TBC1D4: variants seen among roughly 807,000 people sequenced by gnomAD.
TBC1D4 encodes the protein TBC1 domain family member 4, also known as TBC (Tre-2, BUB2, CDC16) domain-containing protein.
TBC1D4 carries 121 observed loss-of-function variants against 142.5 expected under a neutral mutation model. The ratio of observed to expected loss-of-function variants is 0.85; its 90% CI spans 0.73 to 0.99. The LOEUF (loss-of-function observed/expected upper bound fraction) is 0.99. TBC1D4 is among the 50% of genes least tolerant of loss of function. The pLI is 0.00. For synonymous variants in TBC1D4, 630 were observed against 628.2 expected, an observed-to-expected ratio of 1.00 and a Z score of -0.04; for missense variants, 1,475 against 1,606.6, an observed-to-expected ratio of 0.92 and a Z score of 1.40.
chr13:75,315,259 G>A (rs1878182039), intron 12 of TBC1D4, among the ~76,000 whole-genome samples: 1 of 151,476 alleles, frequency 6.6e-6, no homozygotes, highest in Non-Finnish European at 1.5e-5. Context: ...AGTGAGCCGA[G>A]ATCGCATCCC....
intron 1 of TBC1D4, among the ~76,000 whole-genome samples, chr13:75,385,373 A>T (rs1004809698): frequency 6.6e-6 from 1 of 152,224 alleles, no homozygotes. Context: ...AAGCAAGCAA[A>T]GAATCAAAGA....
intron 3 of TBC1D4, among the ~76,000 whole-genome samples, chr13:75,357,813 T>C (rs1019638809): frequency 4.6e-5 from 7 of 152,202 alleles, no homozygotes; most frequent in African/African-American, 1.2e-4. Context: ...GAGGAGCAGA[T>C]GGCTAACCTG....
intron 1 of TBC1D4, among the ~76,000 whole-genome samples, chr13:75,461,349 T>C (rs999307600): frequency 6.6e-5 from 10 of 152,314 alleles, no homozygotes; most frequent in Non-Finnish European, 1.2e-4. Context: ...CCTCAACTCA[T>C]TGAGAAAGGA....
rs187710385 is a variant in TBC1D4 at position 75,475,277 on chromosome 13, C to T, written c.498+5993G>A. Among the ~76,000 whole-genome samples, 192 of 152,268 alleles carry T rather than the reference C, an allele frequency of 1.3e-3. 1 individual carries two copies. Among genetic ancestry groups the T allele is most frequent in the African/African-American group, 4.4e-3 (182 of 41,560 alleles). On this transcript the variant is annotated intron_variant, in intron 1 of 20. Coordinates refer to ENST00000377636, the MANE Select transcript of TBC1D4 (RefSeq NM_014832.5). ...TGCAGACCATATGTCAAGAAAAATCCTTTACTTGGTCAAATAAGTCTGAAT... is the reference window on the plus strand; with the variant it reads ...TGCAGACCATATGTCAAGAAAAATCTTTTACTTGGTCAAATAAGTCTGAAT...
chr13:75,358,391 G>T (rs9530424), intron 3 of TBC1D4, among the ~76,000 whole-genome samples: 124,239 of 152,226 alleles, frequency 0.82, 50,854 homozygotes, highest in South Asian at 0.88. Flanking sequence ...AAGTAGGAAT[G>T]TAGAAATTTA....
In TBC1D4 at chr13:75,335,506, C is replaced by T. The variant is rs545192114; in HGVS notation, c.1731+1415G>A. Among the ~76,000 whole-genome samples, 14 of 150,736 alleles carry T rather than the reference C, an allele frequency of 9.3e-5. No individual in the cohort carries two copies. In the East Asian group the frequency reaches 1.3e-3, roughly 15 times the overall value. ...GCACTTCCTCTAAGTTCCTAAGAAT[C>T]GGTGATATGGTTTGGATCCGCCCAA... On this transcript the variant is annotated intron_variant, in intron 8 of 20. Transcript: ENST00000377636.
At position 75,459,373 on chromosome 13, in the gene TBC1D4, T is replaced by C. The variant is rs1887872181; in HGVS notation, c.498+21897A>G. Among the ~76,000 whole-genome samples, 3 of 152,190 alleles carry C rather than the reference T, an allele frequency of 2.0e-5. No individual in the cohort carries two copies. The South Asian group carries it at 6.2e-4, about 32-fold the overall frequency. On this transcript the variant is annotated intron_variant, in intron 1 of 20. Transcript: ENST00000377636. The stretch of plus-strand genomic sequence containing the variant: ...CTTTAGCTGTGTTTCTGATTGATTG[T>C]GTGGCTTCAGTTTGTATGGCTCCCT...
intron 1 of TBC1D4, among the ~76,000 whole-genome samples, chr13:75,413,398 G>C (rs1454656101): frequency 6.6e-6 from 1 of 152,186 alleles, no homozygotes; most frequent in South Asian, 2.1e-4. Flanking sequence ...TTGACCTTGT[G>C]ATCTGCCTGC....
intron 1 of TBC1D4, among the ~76,000 whole-genome samples, chr13:75,423,903 C>A (rs1371730184): frequency 6.6e-6 from 1 of 152,180 alleles, no homozygotes; most frequent in Non-Finnish European, 1.5e-5. Context: ...GACTGCACAA[C>A]AATGGAAACA....
rs545534425 is a variant in TBC1D4 at position 75,391,215 on chromosome 13, C to T, written c.499-28608G>A. Among the ~76,000 whole-genome samples, 873 of 151,638 alleles carry T rather than the reference C, an allele frequency of 5.8e-3. 10 individuals carry two copies. The highest frequency in any genetic ancestry group is 0.02 in the African/African-American group (814 of 41,326). On this transcript the variant is annotated intron_variant, in intron 1 of 20. Coordinates refer to ENST00000377636, the MANE Select transcript of TBC1D4 (RefSeq NM_014832.5). ...CAGTTTACACACACACACACACACA[C>T]ACACACACACTATTTTTATCTCTCA...
chr13:75,381,774 A>C (rs1361771507), intron 1 of TBC1D4, among the ~76,000 whole-genome samples: 2 of 152,256 alleles, frequency 1.3e-5, no homozygotes, highest in Non-Finnish European at 2.9e-5. Context: ...TGCAAACATG[A>C]AAATGAAATG....
At chr13:75,341,340 C>T in intron 6 of TBC1D4, 105 bp from the exon 7 acceptor site, 2 of 1,330,004 alleles carry the variant, frequency 1.5e-6, no homozygotes, top group Non-Finnish European at 2.1e-6. Context: ...TAACTTCGCT[C>T]AGAAGCAAAA....
chr13:75,453,741 T>C (rs1395262549), intron 1 of TBC1D4, among the ~76,000 whole-genome samples: 1 of 151,794 alleles, frequency 6.6e-6, no homozygotes, highest in Non-Finnish European at 1.5e-5. Context: ...ATGTGCCTGT[T>C]ATCCCAGCTA....
At chr13:75,425,619 T>C (rs570812746) in intron 1 of TBC1D4, among the ~76,000 whole-genome samples, 28 of 152,318 alleles carry the variant, frequency 1.8e-4, no homozygotes, top group African/African-American at 6.0e-4. Context: ...ACATACACAA[T>C]GGAATGCTAT....
At chr13:75,316,331 A>T (rs1184372055) in intron 12 of TBC1D4, 1 of 152,220 alleles carries the variant, frequency 6.6e-6, no homozygotes, top group Non-Finnish European at 1.5e-5. Context: ...AAAATTTCAT[A>T]AACCTAAAAT....
intron 7 of TBC1D4, among the ~76,000 whole-genome samples, chr13:75,340,405 G>C (rs923081838): frequency 1.3e-5 from 2 of 152,112 alleles, no homozygotes; most frequent in Non-Finnish European, 2.9e-5. Context: ...CCCTCAGTTT[G>C]CAGCTAGGGT....
intron 12 of TBC1D4, among the ~76,000 whole-genome samples, chr13:75,318,648 A>G (rs1427273466): frequency 1.3e-5 from 2 of 152,218 alleles, no homozygotes; most frequent in South Asian, 4.1e-4. Flanking sequence ...TTAACTGCAT[A>G]CATGTCTGTT....
intron 1 of TBC1D4, among the ~76,000 whole-genome samples, chr13:75,390,290 A>AAAAC (rs1378525342): frequency 2.0e-5 from 3 of 151,472 alleles, no homozygotes; most frequent in Non-Finnish European, 4.4e-5. Context: ...AAAAAAAAAA[A>AAAAC]AAAACAGGAG....
intron 3 of TBC1D4, among the ~76,000 whole-genome samples, chr13:75,358,740 T>A (rs900301946): frequency 6.6e-6 from 1 of 152,048 alleles, no homozygotes; most frequent in African/African-American, 2.4e-5. Flanking sequence ...GGCACATGCC[T>A]GTGGTCCCAG....
Sources: allele counts gnomAD v4.1 joint callset (sites outside exome capture counted in the v4.1 genomes callset), GRCh38; gene constraint gnomAD v4.1.1; transcripts MANE v1.5; gene names NCBI Gene and HGNC (gene_info 2026-07-23, HGNC 2026-07-21).